The following KIF16B variants were observed in gnomAD, a reference collection of about 807,000 sequenced individuals.
KIF16B encodes the protein kinesin-like protein KIF16B.
In KIF16B, 98 loss-of-function variants were observed where a neutral mutation model predicts 156.3. The ratio of observed to expected loss-of-function variants is 0.63; its 90% CI spans 0.53 to 0.74. The LOEUF (loss-of-function observed/expected upper bound fraction) is 0.74. Among genes scored for constraint, KIF16B ranks in the 30% least tolerant of loss-of-function variants. The probability of loss-of-function intolerance (pLI) is 0.00; values close to 1 mark genes in which losing one functional copy is unlikely to be tolerated. For synonymous variants in KIF16B, 564 were observed against 583.7 expected (o/e 0.97, Z 0.49); for missense variants, 1,421 against 1,606.5 (o/e 0.88, Z 1.97).
chr20:16,313,681 A>G (rs561936235), intron 24 of KIF16B, among the ~76,000 whole-genome samples: 1 of 152,350 alleles, frequency 6.6e-6, no homozygotes, highest in South Asian at 2.1e-4. Flanking sequence ...AAAAGATGTC[A>G]TACAGTATGA....
intron 25 of KIF16B, among the ~76,000 whole-genome samples, chr20:16,289,850 CAAAGA>C (rs888880200): frequency 1.3e-5 from 2 of 152,172 alleles, no homozygotes; most frequent in African/African-American, 4.8e-5. Flanking sequence ...CAAAAACAAA[CAAAGA>C]AAAGAGTTGT....
chr20:16,540,715 T>TGG (rs1238720636), intron 1 of KIF16B, among the ~76,000 whole-genome samples: 3 of 150,460 alleles, frequency 2.0e-5, no homozygotes, highest in East Asian at 1.9e-4. Flanking sequence ...TCTAATACCC[T>TGG]GGCTCCATGA....
chr20:16,403,852 G>T (rs921767010), intron 17 of KIF16B, among the ~76,000 whole-genome samples: 1 of 152,142 alleles, frequency 6.6e-6, no homozygotes, highest in African/African-American at 2.4e-5. Flanking sequence ...GAAATCCCAG[G>T]GTTGGGGGTG....
intron 12 of KIF16B, among the ~76,000 whole-genome samples, chr20:16,434,050 T>C (rs925867201): frequency 6.6e-6 from 1 of 152,140 alleles, no homozygotes; most frequent in African/African-American, 2.4e-5. Flanking sequence ...TTGGCAACCA[T>C]GCTTATTTGG....
intron 7 of KIF16B, 69 bp from the exon 8 acceptor site, chr20:16,506,259 C>G: frequency 7.4e-7 from 1 of 1,349,206 alleles, no homozygotes. Flanking sequence ...GATATGAATT[C>G]TAACTATTTT....
intron 12 of KIF16B, among the ~76,000 whole-genome samples, chr20:16,472,042 A>G (rs947532562): frequency 2.6e-5 from 4 of 152,250 alleles, no homozygotes; most frequent in African/African-American, 9.6e-5. Flanking sequence ...TTACAACCAT[A>G]GCTACTGTCG....
At chr20:16,313,651 C>T (rs1460719364) in intron 24 of KIF16B, among the ~76,000 whole-genome samples, 1 of 152,130 alleles carries the variant, frequency 6.6e-6, no homozygotes, top group Non-Finnish European at 1.5e-5. Context: ...CTTGGTTTTT[C>T]CTACTTTTGA....
At chr20:16,305,360 C>A (rs1232850049) in intron 25 of KIF16B, among the ~76,000 whole-genome samples, 1 of 152,110 alleles carries the variant, frequency 6.6e-6, no homozygotes, top group Non-Finnish European at 1.5e-5. Context: ...CAAATATAAT[C>A]AAATATTTCC....
intron 12 of KIF16B, among the ~76,000 whole-genome samples, chr20:16,434,731 C>CTT (rs34266610): frequency 6.6e-6 from 1 of 151,562 alleles, no homozygotes; most frequent in Admixed American, 6.6e-5. Context: ...CTAAGTGGCA[C>CTT]TTTTTTTTTC....
chr20:16,404,377 A>C (rs2065728848), intron 17 of KIF16B, among the ~76,000 whole-genome samples: 1 of 152,156 alleles, frequency 6.6e-6, no homozygotes, highest in Non-Finnish European at 1.5e-5. Context: ...GCAGTCCCCT[A>C]GTGTTCGAAG....
chr20:16,573,157 G>A lies in KIF16B; in HGVS notation c.47+72C>T, dbSNP rs139808791. 3,404 of 1,419,972 alleles carry A rather than the reference G, an allele frequency of 2.4e-3. 62 individuals are homozygous for A. The African/African-American group carries it at 0.043, about 18-fold the overall frequency. 88.0% of individuals were successfully genotyped at this position (1,419,972 alleles called of 1,614,324 possible). On this transcript the variant is annotated intron_variant, in intron 1 of 25. Transcript: ENST00000354981. ...ACACTTTTAAGTCCAGGCTGGCTTT[G>A]GGGGAGCTGGAAACAGGCTTCCTCT...
At chr20:16,421,170 C>A (rs1046521245) in intron 15 of KIF16B, among the ~76,000 whole-genome samples, 5 of 152,006 alleles carry the variant, frequency 3.3e-5, no homozygotes. Context: ...TAAGTGAAGG[C>A]AGAACTATGC....
intron 15 of KIF16B, among the ~76,000 whole-genome samples, chr20:16,407,351 G>A (rs1353404122): frequency 6.6e-6 from 1 of 152,184 alleles, no homozygotes; most frequent in Non-Finnish European, 1.5e-5. Flanking sequence ...TCCCATCCAC[G>A]TATGAGAGTC....
chr20:16,314,223 A>AT (rs1366446804), intron 24 of KIF16B, among the ~76,000 whole-genome samples: 1 of 152,188 alleles, frequency 6.6e-6, no homozygotes, highest in Non-Finnish European at 1.5e-5. Flanking sequence ...CTGGTTAGTC[A>AT]TTTTTAGGCA....
chr20:16,362,615 A>C (rs2064572472), intron 22 of KIF16B, among the ~76,000 whole-genome samples: 1 of 152,246 alleles, frequency 6.6e-6, no homozygotes, highest in Non-Finnish European at 1.5e-5. Flanking sequence ...GTGACTATGA[A>C]ATGGCTTTGG....
chr20:16,559,071 G>A (rs1407702827), intron 1 of KIF16B, among the ~76,000 whole-genome samples: 1 of 151,686 alleles, frequency 6.6e-6, no homozygotes, highest in African/African-American at 2.4e-5. Flanking sequence ...AGGTCTGCCT[G>A]GTCCCTATAG....
chr20:16,370,059 T>C (rs561699737), intron 22 of KIF16B, among the ~76,000 whole-genome samples: 1 of 152,174 alleles, frequency 6.6e-6, no homozygotes, highest in Non-Finnish European at 1.5e-5. Flanking sequence ...TACTATTTTT[T>C]GGGGGTTGAT....
intron 25 of KIF16B, among the ~76,000 whole-genome samples, chr20:16,281,364 T>C (rs1048740742): frequency 2.0e-5 from 3 of 152,134 alleles, no homozygotes; most frequent in Non-Finnish European, 4.4e-5. Flanking sequence ...CTCGCAGTAC[T>C]TGGAAAATGC....
chr20:16,364,737 A>C (rs753497624), intron 22 of KIF16B, among the ~76,000 whole-genome samples: 2 of 152,238 alleles, frequency 1.3e-5, no homozygotes, highest in Non-Finnish European at 2.9e-5. Context: ...TAGGTGAGAG[A>C]AGTGACATGC....
Sources: allele counts gnomAD v4.1 joint callset (sites outside exome capture counted in the v4.1 genomes callset), GRCh38; gene constraint gnomAD v4.1.1; transcripts MANE v1.5; gene names NCBI Gene and HGNC (gene_info 2026-07-23, HGNC 2026-07-21).